The following ADAMTSL1 variants were observed in gnomAD, a reference collection of about 807,000 sequenced individuals.
The protein encoded by ADAMTSL1 is ADAMTS like 1.
A neutral mutation model predicts 201.8 loss-of-function variants in ADAMTSL1; 126 were observed. The observed-to-expected ratio is 0.62, with a 90% CI of 0.54 to 0.72. The LOEUF is 0.72. ADAMTSL1 is among the 30% of genes least tolerant of loss of function. The pLI is 0.00. For missense variants in ADAMTSL1, 2,679 were observed against 2,277.8 expected, an observed-to-expected ratio of 1.18 and a Z score of -3.59; for synonymous variants, 1,121 against 903.4, an observed-to-expected ratio of 1.24 and a Z score of -4.32.
chr9:18,466,787 C>G (rs1423314532), intron 2 of ADAMTSL1, among the ~76,000 whole-genome samples: 1 of 151,896 alleles, frequency 6.6e-6, no homozygotes, highest in Admixed American at 6.6e-5. Context: ...AACTATTAAT[C>G]TAGTTCATGT....
In ADAMTSL1 at chr9:18,777,539, C is replaced by G. The variant is rs1430979430; in HGVS notation, c.3310C>G (p.Leu1104Val). ...DLYSKHLVAQLAQEIFRSHLE... is the reference protein window; with the variant it reads ...DLYSKHLVAQVAQEIFRSHLE... ...CTACAGCAAGCACCTGGTGGCCCAG[C>G]TGGCCCAGGAGATCTTCCGCAGCCA... Residue 1104 changes from leucine to valine, a missense_variant, in exon 19 of 29, where the codon CTG becomes GTG. Physicochemically the swap from Leu to Val is conservative, Grantham distance 32 (BLOSUM62 1). Transcript: ENST00000380548. 6.2e-7 allele frequency: 1 copy of G among 1,602,924 alleles called. No homozygotes were observed. Among genetic ancestry groups the G allele is most frequent in the Non-Finnish European group, 8.5e-7 (1 of 1,175,134 alleles).
intron 15 of ADAMTSL1, 37 bp from the exon 16 acceptor site, chr9:18,753,261 T>A (rs146852945): frequency 6.4e-7 from 1 of 1,572,738 alleles, no homozygotes; most frequent in East Asian, 2.3e-5. Context: ...GCACAGGTAC[T>A]AAGGGTGTGT....
At chr9:18,452,258 A>G (rs1175204061) in intron 2 of ADAMTSL1, among the ~76,000 whole-genome samples, 5 of 152,164 alleles carry the variant, frequency 3.3e-5, no homozygotes, top group South Asian at 2.1e-4. Flanking sequence ...TAATGAGCCC[A>G]CTTTTATAAT....
At chr9:18,015,131 T>C (rs917221951) in intron 1 of ADAMTSL1, among the ~76,000 whole-genome samples, 2 of 152,056 alleles carry the variant, frequency 1.3e-5, no homozygotes, top group African/African-American at 4.8e-5. Flanking sequence ...CCCAGTTTTA[T>C]TGATCTAGGG....
At chr9:18,221,029 C>A (rs1170994914) in intron 2 of ADAMTSL1, among the ~76,000 whole-genome samples, 1 of 152,078 alleles carries the variant, frequency 6.6e-6, no homozygotes. Flanking sequence ...CCCTCTTTGG[C>A]CTCCCAAAGT....
chr9:18,886,013 G>T (rs908316584), intron 23 of ADAMTSL1, among the ~76,000 whole-genome samples: 2 of 151,718 alleles, frequency 1.3e-5, no homozygotes, highest in African/African-American at 4.8e-5. Flanking sequence ...TAGGCCAGGT[G>T]TGGTGGCTCA....
chr9:18,431,270 T>G (rs1015047235), intron 2 of ADAMTSL1, among the ~76,000 whole-genome samples: 2 of 152,206 alleles, frequency 1.3e-5, no homozygotes, highest in African/African-American at 4.8e-5. Context: ...GCAGATGCAG[T>G]AGAGTGCTGC....
intron 2 of ADAMTSL1, among the ~76,000 whole-genome samples, chr9:18,307,284 C>T (rs761734304): frequency 6.6e-6 from 1 of 152,132 alleles, no homozygotes; most frequent in Non-Finnish European, 1.5e-5. Flanking sequence ...GAAACTGCAT[C>T]AACTAACAGG....
At chr9:18,762,209 G>C (rs188820952) in intron 16 of ADAMTSL1, among the ~76,000 whole-genome samples, 1 of 152,162 alleles carries the variant, frequency 6.6e-6, no homozygotes, top group African/African-American at 2.4e-5. Flanking sequence ...CAGGGAGGGA[G>C]AGGAAAATAG....
At chr9:18,655,481 T>A (rs1587814926) in intron 7 of ADAMTSL1, among the ~76,000 whole-genome samples, 2 of 152,284 alleles carry the variant, frequency 1.3e-5, no homozygotes. Flanking sequence ...CTAAACCAAA[T>A]GTGTCAAACT....
chr9:18,012,192 C>T (rs1241102422), intron 1 of ADAMTSL1, among the ~76,000 whole-genome samples: 1 of 152,030 alleles, frequency 6.6e-6, no homozygotes, highest in Admixed American at 6.6e-5. Context: ...GACTTGCAGG[C>T]CCCTGTGGCC....
At chr9:18,789,319 G>GT (rs1194285015) in intron 19 of ADAMTSL1, among the ~76,000 whole-genome samples, 1 of 152,124 alleles carries the variant, frequency 6.6e-6, no homozygotes, top group Admixed American at 6.5e-5. Flanking sequence ...ACCCTAGGTA[G>GT]GTACTATCAT....
In ADAMTSL1 at chr9:18,189,333, A is replaced by T. The variant is rs139978121; in HGVS notation, c.207+25352A>T. ...TTAATTTCATTAATTAAAAAACCTT[A>T]AGTATTAGATAAATTTTACCATTGT... On this transcript the variant is annotated intron_variant, in intron 2 of 29. Coordinates refer to the ADAMTSL1 transcript ENST00000680146. 8.5e-5 allele frequency among the ~76,000 whole-genome samples: 13 copies of T among 152,256 alleles called. No individual in the cohort carries two copies. In the East Asian group the frequency reaches 1.2e-3, roughly 14 times the overall value.
At chr9:18,181,125 A>G (rs1431899558) in intron 2 of ADAMTSL1, among the ~76,000 whole-genome samples, 1 of 152,222 alleles carries the variant, frequency 6.6e-6, no homozygotes, top group East Asian at 1.9e-4. Context: ...CACCTTATAC[A>G]AAAATCAATT....
At chr9:17,994,088 CATT>C (rs996177354) in intron 1 of ADAMTSL1, among the ~76,000 whole-genome samples, 2 of 144,222 alleles carry the variant, frequency 1.4e-5, no homozygotes, top group Admixed American at 6.8e-5. Context: ...GACAGAATCT[CATT>C]GTGTGTGTGT....
At chr9:18,231,721 C>A (rs56316407) in intron 2 of ADAMTSL1, among the ~76,000 whole-genome samples, 11,582 of 152,260 alleles carry the variant, frequency 0.076, 616 homozygotes, top group African/African-American at 0.15. Flanking sequence ...AAGGAATCTC[C>A]AACTTACGTG....
intron 1 of ADAMTSL1, among the ~76,000 whole-genome samples, chr9:18,072,017 G>T (rs972949300): frequency 6.6e-6 from 1 of 152,120 alleles, no homozygotes; most frequent in Non-Finnish European, 1.5e-5. Flanking sequence ...ACCTTTCTAA[G>T]GCTCTTAGCT....
At chr9:18,052,098 G>A (rs149743819) in intron 1 of ADAMTSL1, among the ~76,000 whole-genome samples, 399 of 152,282 alleles carry the variant, frequency 2.6e-3, no homozygotes, top group African/African-American at 8.8e-3. Flanking sequence ...AGTGCAGAAG[G>A]GTCCACAGTC....
At chr9:18,692,782 A>G (rs1195162945) in intron 13 of ADAMTSL1, among the ~76,000 whole-genome samples, 3 of 152,234 alleles carry the variant, frequency 2.0e-5, no homozygotes, top group Non-Finnish European at 4.4e-5. Flanking sequence ...CTACATTCCA[A>G]TATTAAGCTG....
Sources: allele counts gnomAD v4.1 joint callset (sites outside exome capture counted in the v4.1 genomes callset), GRCh38; gene constraint gnomAD v4.1.1; transcripts MANE v1.5; gene names NCBI Gene and HGNC (gene_info 2026-07-23, HGNC 2026-07-21).